The following BAZ1A variants were observed in gnomAD, a reference collection of about 807,000 sequenced individuals.
BAZ1A encodes bromodomain adjacent to zinc finger domain protein 1A.
A neutral mutation model predicts 185.2 loss-of-function variants in BAZ1A; 50 were observed. The observed-to-expected ratio is 0.27, with a 90% CI of 0.22 to 0.34. The LOEUF is 0.34. BAZ1A is among the 10% of genes least tolerant of loss of function. The pLI is 1.00. For synonymous variants in BAZ1A, 571 were observed against 615.6 expected (o/e 0.93, Z 1.07); for missense variants, 1,356 against 1,839.9 (o/e 0.74, Z 4.81).
At chr14:34,795,897 G>A in intron 9 of BAZ1A, 132 bp from the exon 10 acceptor site, 1 of 626,818 alleles carries the variant, frequency 1.6e-6, no homozygotes, top group Non-Finnish European at 2.7e-6. Context: ...TAACTCTGAG[G>A]TTAGGACTTA....
Position 34,786,197 on chromosome 14 carries a change from T to G in BAZ1A, c.1535A>C (p.Asp512Ala). The G allele has an allele frequency of 6.2e-7, 1 of 1,613,154 alleles. No homozygotes were observed. Residue 512 changes from aspartate to alanine, a missense_variant, in exon 13 of 27, where the codon GAT (aspartate) becomes GCT (alanine). By Grantham distance (126) the Asp-to-Ala change is moderately radical. Coordinates refer to ENST00000360310, the MANE Select transcript of BAZ1A (RefSeq NM_013448.3). ...TKDLTEALDE[D>A]ADPTKSALSA... ...CAGTGCAGATTTTGTGGGGTCTGCA[T>G]CTTCATCCAAAGCCTCTGTTAAATC...
Position 34,823,353 on chromosome 14 carries a change from C to CA in BAZ1A, c.536+2659dup, listed in dbSNP as rs550729836. ...TGGGCGACAGAGTGAGACTCTGTCT[C>CA]AAAAAAAAAAAAAGTTAGTACATGG... On this transcript the variant is annotated intron_variant, in intron 4 of 26. Transcript: ENST00000360310. 8.6e-3 allele frequency among the ~76,000 whole-genome samples: 1,080 copies of CA among 125,216 alleles called. 16 individuals carry two copies. The highest frequency in any genetic ancestry group is 0.026 in the African/African-American group (892 of 33,882). 82.1% of individuals were successfully genotyped at this position (125,216 alleles called of 152,430 possible).
chr14:34,820,814 G>T (rs2042078561), intron 4 of BAZ1A, among the ~76,000 whole-genome samples: 1 of 151,862 alleles, frequency 6.6e-6, no homozygotes, highest in African/African-American at 2.4e-5. Context: ...TGATTGAAAA[G>T]ACTATCTTTT....
At chr14:34,762,246 C>T (rs1886556098) in intron 23 of BAZ1A, 23 bp from the exon 24 acceptor site, 1 of 1,600,158 alleles carries the variant, frequency 6.2e-7, no homozygotes, top group Non-Finnish European at 8.6e-7. Context: ...TTAGAAAACA[C>T]AATTATTGTA....
chr14:34,763,380 T>G (rs945781905), intron 23 of BAZ1A, among the ~76,000 whole-genome samples: 1 of 149,102 alleles, frequency 6.7e-6, no homozygotes, highest in Non-Finnish European at 1.5e-5. Context: ...CCTTGCTTCA[T>G]ACTCATTTTC....
At position 34,774,440 on chromosome 14, in the gene BAZ1A, T is replaced by C; in HGVS notation, c.2884A>G (p.Asn962Asp). The part of the protein sequence containing the change: ...KPTYSRGRSS[N>D]AYDPSQMCAE... Reference sequence around the variant, plus strand: ...CACATCTGAGATGGATCATATGCATTGGAAGATCTTCCCCGACTATATGTT... The same window carrying C: ...CACATCTGAGATGGATCATATGCATCGGAAGATCTTCCCCGACTATATGTT... Residue 962 changes from asparagine to aspartate, a missense_variant, in exon 19 of 27, where the codon AAT (asparagine) becomes GAT (aspartate). This residue lies in a region of BAZ1A where 434 missense variants were observed against 561.7 expected (regional missense o/e 0.77). Coordinates refer to ENST00000360310, the MANE Select transcript of BAZ1A (RefSeq NM_013448.3). The C allele has an allele frequency of 6.2e-7, 1 of 1,611,866 alleles. No homozygotes were observed. The highest frequency in any genetic ancestry group is 1.3e-5 in the African/African-American group (1 of 74,982).
Position 34,825,559 on chromosome 14 carries a change from A to T in BAZ1A, c.536+454T>A, listed in dbSNP as rs970218025. 4.6e-5 allele frequency among the ~76,000 whole-genome samples: 7 copies of T among 151,772 alleles called. 1 individual carries two copies. Among genetic ancestry groups the T allele is most frequent in the Non-Finnish European group, 7.4e-5 (5 of 67,968 alleles). On this transcript the variant is annotated intron_variant, in intron 4 of 26. Coordinates refer to ENST00000360310, the MANE Select transcript of BAZ1A (RefSeq NM_013448.3). ...GAACTAGGAAAATTTCAATTTTGAA[A>T]ATTCTAACATCATTGTTGAACTAGA...
chr14:34,815,421 T>C (rs2041991861), intron 4 of BAZ1A, among the ~76,000 whole-genome samples: 1 of 152,238 alleles, frequency 6.6e-6, no homozygotes, highest in Admixed American at 6.5e-5. Flanking sequence ...ACCCAAAGCC[T>C]TGGCCTAAAT....
At chr14:34,866,982 G>A (rs567372622) in intron 2 of BAZ1A, among the ~76,000 whole-genome samples, 13 of 149,780 alleles carry the variant, frequency 8.7e-5, no homozygotes, top group South Asian at 8.4e-4. Flanking sequence ...AAAATCCGCC[G>A]GGCATGGTGG....
intron 3 of BAZ1A, 73 bp from the exon 4 acceptor site, chr14:34,826,229 A>T (rs951778998): frequency 2.7e-5 from 41 of 1,496,486 alleles, no homozygotes; most frequent in Middle Eastern, 1.7e-4. Context: ...GAGCAATCGA[A>T]TTGTTTTGAA....
intron 3 of BAZ1A, among the ~76,000 whole-genome samples, chr14:34,856,085 G>A (rs1343022416): frequency 6.6e-6 from 1 of 152,050 alleles, no homozygotes; most frequent in Non-Finnish European, 1.5e-5. Context: ...ATAAGCAAAG[G>A]ATTGGAACAA....
Position 34,762,017 on chromosome 14 carries a change from G to T in BAZ1A, c.3983C>A (p.Ser1328Tyr). Reference protein sequence around the residue: ...INSAPPTETKSLRIASRSTRH... With the variant: ...INSAPPTETKYLRIASRSTRH... ...AGTAGAACGACTGGCAATTCTTAAA[G>T]ATTTTGTTTCTGTAGGAGGAGCAGA... Residue 1328 changes from serine to tyrosine, a missense_variant, in exon 24 of 27, where the codon TCT (serine) becomes TAT (tyrosine). By Grantham distance (144) the Ser-to-Tyr change is moderately radical (BLOSUM62 -2). Around this residue, in one of 7 missense-constraint regions of BAZ1A, gnomAD observed 309 missense variants for 355.3 expected, o/e 0.87. Coordinates refer to ENST00000360310, the MANE Select transcript of BAZ1A (RefSeq NM_013448.3). 4 of 1,614,208 alleles carry T rather than the reference G, an allele frequency of 2.5e-6. No homozygotes were observed. The highest frequency in any genetic ancestry group is 3.4e-6 in the Non-Finnish European group (4 of 1,180,036).
chr14:34,757,879 G>A (rs1043773759), intron 25 of BAZ1A, among the ~76,000 whole-genome samples: 33 of 149,534 alleles, frequency 2.2e-4, no homozygotes, highest in Non-Finnish European at 4.0e-4. Flanking sequence ...CCCAAGTAGC[G>A]GGGACTACAG....
intron 4 of BAZ1A, among the ~76,000 whole-genome samples, chr14:34,812,190 ATG>A (rs2041939469): frequency 6.6e-6 from 1 of 151,122 alleles, no homozygotes; most frequent in Non-Finnish European, 1.5e-5. Flanking sequence ...TTGACCGAGT[ATG>A]CCTTCAAAGA....
intron 3 of BAZ1A, among the ~76,000 whole-genome samples, chr14:34,833,589 C>T (rs1188648875): frequency 6.6e-6 from 1 of 151,960 alleles, no homozygotes; most frequent in African/African-American, 2.4e-5. Flanking sequence ...GTGAATTGAG[C>T]CACAAAAGGA....
intron 3 of BAZ1A, among the ~76,000 whole-genome samples, chr14:34,829,948 C>T (rs1157638384): frequency 6.6e-6 from 1 of 152,152 alleles, no homozygotes; most frequent in Non-Finnish European, 1.5e-5. Flanking sequence ...AACTGATTGT[C>T]TGACTCTCAA....
At chr14:34,859,521 A>G (rs2042735430) in intron 3 of BAZ1A, among the ~76,000 whole-genome samples, 1 of 152,074 alleles carries the variant, frequency 6.6e-6, no homozygotes, top group African/African-American at 2.4e-5. Flanking sequence ...ACTTTTCCTG[A>G]TGATTTTCTG....
intron 4 of BAZ1A, among the ~76,000 whole-genome samples, chr14:34,816,209 T>C (rs779351006): frequency 2.6e-4 from 37 of 144,758 alleles, no homozygotes; most frequent in Non-Finnish European, 4.5e-4. Flanking sequence ...TGCCTCAGCC[T>C]CCCAAGTAGC....
intron 14 of BAZ1A, among the ~76,000 whole-genome samples, chr14:34,784,322 C>T (rs1397498084): frequency 1.1e-4 from 14 of 130,038 alleles, no homozygotes; most frequent in East Asian, 2.6e-4. Flanking sequence ...GCGCCAAGAT[C>T]GCACCACTGC....
Sources: allele counts gnomAD v4.1 joint callset (sites outside exome capture counted in the v4.1 genomes callset), GRCh38; gene constraint gnomAD v4.1.1; regional missense constraint gnomAD v4.1.1; transcripts MANE v1.5; gene names NCBI Gene and HGNC (gene_info 2026-07-23, HGNC 2026-07-21).